SQSTM1: variants seen among roughly 807,000 people sequenced by gnomAD.
The protein encoded by SQSTM1 is sequestosome 1.
In SQSTM1, 36 loss-of-function variants were observed where a neutral mutation model predicts 45.1. That is an observed-to-expected ratio of 0.80 (90% CI 0.61 to 1.05). SQSTM1 has a LOEUF of 1.05. SQSTM1 is among the 50% of genes least tolerant of loss of function. The pLI, the probability that SQSTM1 is intolerant of heterozygous loss-of-function variation, is 0.00. For synonymous variants in SQSTM1, 290 were observed against 244.3 expected (o/e 1.19, Z -1.74); for missense variants, 617 against 607.1 (o/e 1.02, Z -0.17).
chr5:179,820,782 G>A (rs1757741647), upstream of SQSTM1: 1 of 652,824 alleles, frequency 1.5e-6, no homozygotes, highest in South Asian at 2.4e-5. Flanking sequence ...GGCCTCTGCA[G>A]GGCGGCTCTC....
chr5:179,833,565 C>T, intron 6 of SQSTM1, 22 bp from the exon 7 acceptor site: 6 of 1,613,854 alleles, frequency 3.7e-6, no homozygotes, highest in South Asian at 1.1e-5. Flanking sequence ...CTCCTGTGTG[C>T]TCATGGTGAG....
intron 5 of SQSTM1, among the ~76,000 whole-genome samples, chr5:179,828,046 A>C (rs993466560): frequency 1.3e-4 from 20 of 152,218 alleles, no homozygotes; most frequent in Non-Finnish European, 2.4e-4. Context: ...GGGATCTTTG[A>C]TAAACCGACA....
intron 2 of SQSTM1, among the ~76,000 whole-genome samples, 178 bp downstream of exon 2, chr5:179,823,231 C>T (rs576089439): frequency 1.4e-4 from 21 of 151,894 alleles, no homozygotes; most frequent in African/African-American, 2.7e-4. Context: ...TTTGGGAGGC[C>T]GAGGCGGGCA....
At chr5:179,818,277 C>T (rs1757643819), upstream of SQSTM1, among the ~76,000 whole-genome samples, 1 of 152,108 alleles carries the variant, frequency 6.6e-6, no homozygotes, top group African/African-American at 2.4e-5. Flanking sequence ...CGCAGAAGGC[C>T]TGGAGGCCCC....
At chr5:179,818,250 G>A (rs1757643053), upstream of SQSTM1, among the ~76,000 whole-genome samples, 2 of 152,096 alleles carry the variant, frequency 1.3e-5, no homozygotes, top group Admixed American at 6.5e-5. Flanking sequence ...CATGTGAGTG[G>A]AAGGGAGTGG....
Position 179,836,618 on chromosome 5 carries a change from T to C in SQSTM1, c.*25T>C. 1 of 1,611,572 alleles carries C rather than the reference T, an allele frequency of 6.2e-7. No homozygotes were observed. Among genetic ancestry groups the C allele is most frequent in the Non-Finnish European group, 8.5e-7 (1 of 1,179,978 alleles). On this transcript the variant is annotated 3_prime_UTR_variant, in exon 8 of 8. Coordinates refer to ENST00000389805, the MANE Select transcript of SQSTM1 (RefSeq NM_003900.5). ...ACCACTTTTGCCCACCTCTTCTGCG[T>C]GCCCCTCTTCTGTCTCATAGTTGTG...
At chr5:179,834,923 C>T (rs1330607377) in intron 7 of SQSTM1, among the ~76,000 whole-genome samples, 1 of 152,252 alleles carries the variant, frequency 6.6e-6, no homozygotes, top group Non-Finnish European at 1.5e-5. Context: ...GTTGGGTACA[C>T]CTCCCAGACG....
intron 5 of SQSTM1, among the ~76,000 whole-genome samples, chr5:179,829,597 A>G (rs1758130769): frequency 6.6e-6 from 1 of 152,240 alleles, no homozygotes; most frequent in Non-Finnish European, 1.5e-5. Context: ...AAGTTCTTAA[A>G]ATTAAAAAAT....
Position 179,806,445 on chromosome 5 carries a change from C to CCCAGGTGCG in SQSTM1, c.-293_-285dup, listed in dbSNP as rs767181562. Reference sequence around the variant, plus strand: ...GCCGGGCCCGCTCCCGCCGCCGACGCCCAGGTGCGCCAGGTGCGGGCCGGG... The same window carrying CCCAGGTGCG: ...GCCGGGCCCGCTCCCGCCGCCGACGCCCAGGTGCGCCAGGTGCGCCAGGTGCGGGCCGGG... On this transcript the variant is annotated 5_prime_UTR_variant, in exon 1 of 6. Coordinates refer to the SQSTM1 transcript ENST00000514093. This position sits in a 1 kb window ranked among gnomAD's most constrained non-coding sequence, Gnocchi z 4.6. 1.5e-4 allele frequency: 173 copies of CCCAGGTGCG among 1,182,018 alleles called. No homozygotes were observed. The South Asian group carries it at 2.5e-3, about 17-fold the overall frequency. The allele number at this position is 1,182,018 out of a possible 1,614,324, so 73.2% of individuals were successfully genotyped here.
At chr5:179,817,738 G>T (rs1354086757), upstream of SQSTM1, among the ~76,000 whole-genome samples, 4 of 152,186 alleles carry the variant, frequency 2.6e-5, no homozygotes, top group Non-Finnish European at 5.9e-5. Context: ...TGGCCGGGCG[G>T]GTGGCTCACG....
At position 179,836,501 on chromosome 5, in the gene SQSTM1, G is replaced by A. The variant is rs143511494; in HGVS notation, c.1231G>A (p.Gly411Ser). The change falls in exon 8 of 8, where the codon GGC becomes AGC. Residue 411 changes from glycine to serine, a missense_variant. Gly to Ser is a moderately conservative substitution (Grantham distance 56). Coordinates refer to ENST00000389805, the MANE Select transcript of SQSTM1 (RefSeq NM_003900.5). ...MLSMGFSDEG[G>S]WLTRLLQTKN... ...GTCCATGGGCTTCTCTGATGAAGGC[G>A]GCTGGCTCACCAGGCTCCTGCAGAC... 99 of 1,614,042 alleles carry A rather than the reference G, an allele frequency of 6.1e-5. No homozygotes were observed. Among genetic ancestry groups the A allele is most frequent in the South Asian group, 2.9e-4 (26 of 91,082 alleles).
upstream of SQSTM1, among the ~76,000 whole-genome samples, chr5:179,817,201 T>G (rs1053621363): frequency 1.3e-5 from 2 of 152,194 alleles, no homozygotes; most frequent in Admixed American, 6.5e-5. Flanking sequence ...CGTCTTCCAG[T>G]GACCCCCACA....
Position 179,833,749 on chromosome 5 carries a change from A to T in SQSTM1, c.1132A>T (p.Lys378Ter), listed in dbSNP as rs796052213. The change falls in exon 7 of 8, where the codon AAG (lysine) becomes TAG (stop). Residue 378 changes from lysine (K) to a stop codon, truncating the protein, a stop_gained. Transcript: ENST00000389805. LOFTEE classifies it high-confidence loss of function. The part of the protein sequence containing the change: ...DPSQEGPTGL[K>*]EAALYPHLPP... ...CTCCCAGGAGGGACCCACAGGGCTGAAGGAAGCTGCCTTGTACCCACATCT... is the reference window on the plus strand; with the variant it reads ...CTCCCAGGAGGGACCCACAGGGCTGTAGGAAGCTGCCTTGTACCCACATCT... 4.3e-6 allele frequency: 7 copies of T among 1,614,122 alleles called. No individual in the cohort carries two copies. The highest frequency in any genetic ancestry group is 5.9e-6 in the Non-Finnish European group (7 of 1,180,022).
chr5:179,819,329 C>G (rs1364357784), upstream of SQSTM1, among the ~76,000 whole-genome samples: 4 of 119,178 alleles, frequency 3.4e-5, no homozygotes, highest in South Asian at 4.4e-4. Flanking sequence ...CCTCCCCGCC[C>G]CCCCCCCAGT....
chr5:179,810,450 C>CT (rs1235075009), intron 1 of SQSTM1, among the ~76,000 whole-genome samples: 1 of 152,162 alleles, frequency 6.6e-6, no homozygotes, highest in African/African-American at 2.4e-5. Context: ...TGAACTCATT[C>CT]TTTTTTATGG....
chr5:179,813,358 CA>C (rs1320302820), intron 2 of SQSTM1: 1 of 152,262 alleles, frequency 6.6e-6, no homozygotes, highest in African/African-American at 2.4e-5. Context: ...TCATGAGTAC[CA>C]GGAAAGCTGG....
At chr5:179,820,656 C>A (rs893180436), upstream of SQSTM1, 5 of 390,302 alleles carry the variant, frequency 1.3e-5, no homozygotes, top group Admixed American at 1.4e-4. Context: ...TGTATGAGTG[C>A]CAGGGCCGGT....
chr5:179,837,514 G>A lies in SQSTM1; in HGVS notation c.*921G>A, dbSNP rs775618569. The A allele has an allele frequency of 1.9e-6, 3 of 1,614,220 alleles. No homozygotes were observed. In the East Asian group the frequency reaches 6.7e-5, roughly 36 times the overall value. ...CCCAGGGAGTCCTTGCGTCCCATGA[G>A]GTCTTCCCGCAAGGCCTCTCAGACC... On this transcript the variant is annotated 3_prime_UTR_variant, in exon 8 of 8. Transcript: ENST00000389805.
intron 2 of SQSTM1, 22 bp downstream of exon 2, chr5:179,823,075 T>C (rs1757843748): frequency 6.2e-7 from 1 of 1,603,350 alleles, no homozygotes. Flanking sequence ...CTCTGGGGGC[T>C]GCCTGAAGCC....
Sources: gnomAD v4.1 joint callset for allele counts (sites outside exome capture counted in the v4.1 genomes callset) on GRCh38, gnomAD v4.1.1 for gene constraint, Gnocchi (gnomAD v3.1) non-coding constraint, MANE v1.5 for transcripts, NCBI Gene and HGNC (gene_info 2026-07-23, HGNC 2026-07-21) for gene names.